EYS: variants seen among roughly 807,000 people sequenced by gnomAD.
The protein encoded by EYS is EGF-like photoreceptor maintenance factor.
Under a neutral mutation model 282.1 loss-of-function variants are expected in EYS, and 250 were observed. The observed-to-expected ratio is 0.89, with a 90% CI of 0.80 to 0.98. EYS has a LOEUF of 0.98. EYS is among the 50% of genes least tolerant of loss of function. The pLI, the probability that EYS is intolerant of heterozygous loss-of-function variation, is 0.00. For missense variants in EYS, 4,016 were observed against 3,709.0 expected (o/e 1.08, Z -2.15); for synonymous variants, 1,355 against 1,282.9 (o/e 1.06, Z -1.20).
At chr6:64,165,193 A>G (rs891917186) in intron 31 of EYS, among the ~76,000 whole-genome samples, 6 of 152,136 alleles carry the variant, frequency 3.9e-5, no homozygotes, top group African/African-American at 1.4e-4. Context: ...AAACTAAAAA[A>G]GCAGAGTGTC....
chr6:63,820,957 C>T (rs1457616360), intron 36 of EYS, among the ~76,000 whole-genome samples: 1 of 152,018 alleles, frequency 6.6e-6, no homozygotes, highest in African/African-American at 2.4e-5. Context: ...CTAGATCAGA[C>T]TCAAAAGCTT....
chr6:64,051,685 G>A (rs1770814436), intron 33 of EYS, among the ~76,000 whole-genome samples: 2 of 152,080 alleles, frequency 1.3e-5, no homozygotes, highest in Non-Finnish European at 1.5e-5. Flanking sequence ...GAGCATGATT[G>A]TTCTTATAAA....
At chr6:63,864,386 A>T (rs956888789) in intron 35 of EYS, 28 bp from the exon 36 acceptor site, 2 of 1,526,054 alleles carry the variant, frequency 1.3e-6, no homozygotes, top group Non-Finnish European at 1.8e-6. Flanking sequence ...TTAAAAATTC[A>T]TTAGGAAACA....
chr6:65,628,547 G>T (rs1766801130), intron 2 of EYS, among the ~76,000 whole-genome samples: 1 of 152,142 alleles, frequency 6.6e-6, no homozygotes, highest in Non-Finnish European at 1.5e-5. Context: ...GGTCCACGCT[G>T]CTTTTATGAG....
At chr6:64,107,469 A>G (rs977676162) in intron 31 of EYS, among the ~76,000 whole-genome samples, 5 of 151,402 alleles carry the variant, frequency 3.3e-5, no homozygotes, top group African/African-American at 4.9e-5. Context: ...TGGAAGAAAG[A>G]TGTAGCTGGG....
intron 35 of EYS, among the ~76,000 whole-genome samples, chr6:63,872,496 T>TA (rs1554183560): frequency 4.6e-5 from 7 of 150,602 alleles, no homozygotes; most frequent in Non-Finnish European, 1.0e-4. Context: ...TTTTTTTTTT[T>TA]AGACCTAGTC....
At chr6:65,266,954 A>G (rs1767771461) in intron 12 of EYS, among the ~76,000 whole-genome samples, 1 of 139,664 alleles carries the variant, frequency 7.2e-6, no homozygotes, top group Non-Finnish European at 1.6e-5. Flanking sequence ...ATATATATAT[A>G]TGCACACACA....
intron 2 of EYS, among the ~76,000 whole-genome samples, chr6:65,537,056 A>G (rs1473481876): frequency 6.6e-6 from 1 of 152,226 alleles, no homozygotes; most frequent in African/African-American, 2.4e-5. Context: ...AGGGACAGGG[A>G]TGAAGCTAGA....
At chr6:64,208,817 A>G (rs1010609094) in intron 31 of EYS, among the ~76,000 whole-genome samples, 5 of 152,174 alleles carry the variant, frequency 3.3e-5, no homozygotes, top group Non-Finnish European at 7.4e-5. Context: ...AACTGCAAAT[A>G]TTAAATCAAA....
chr6:65,523,778 G>A (rs542352082), intron 2 of EYS, among the ~76,000 whole-genome samples: 2 of 152,164 alleles, frequency 1.3e-5, no homozygotes, highest in Non-Finnish European at 2.9e-5. Context: ...TACGTTATGA[G>A]AGAACAAGTT....
intron 22 of EYS, among the ~76,000 whole-genome samples, chr6:64,627,008 C>G (rs1212942914): frequency 6.6e-6 from 1 of 152,112 alleles, no homozygotes; most frequent in East Asian, 1.9e-4. Flanking sequence ...TGTACTTCCT[C>G]TTAATTTTTA....
chr6:65,116,589 C>T (rs1212295976), intron 12 of EYS, among the ~76,000 whole-genome samples: 1 of 151,966 alleles, frequency 6.6e-6, no homozygotes, highest in African/African-American at 2.4e-5. Context: ...CTTATGGCTC[C>T]TCCTGACCAA....
At chr6:63,736,949 C>T (rs1768930041) in intron 41 of EYS, among the ~76,000 whole-genome samples, 1 of 152,152 alleles carries the variant, frequency 6.6e-6, no homozygotes, top group African/African-American at 2.4e-5. Context: ...TATCCTGAGA[C>T]TTTGCTGAAG....
intron 12 of EYS, among the ~76,000 whole-genome samples, chr6:65,058,440 T>G (rs1007056692): frequency 2.2e-5 from 3 of 138,684 alleles, no homozygotes; most frequent in African/African-American, 4.9e-5. Context: ...CATGGGCCAC[T>G]GAGCCTGGCC....
intron 11 of EYS, among the ~76,000 whole-genome samples, chr6:65,312,846 G>C (rs1486181706): frequency 1.3e-5 from 2 of 152,060 alleles, no homozygotes; most frequent in African/African-American, 4.8e-5. Flanking sequence ...CCTGTAACCA[G>C]TTGTAATATA....
At chr6:64,862,422 G>A (rs376845906) in intron 19 of EYS, among the ~76,000 whole-genome samples, 4 of 109,068 alleles carry the variant, frequency 3.7e-5, no homozygotes, top group African/African-American at 1.3e-4. Flanking sequence ...TCAGCTTTTT[G>A]TGTAAGAGCA....
At chr6:65,283,680 G>A (rs1043938372) in intron 12 of EYS, among the ~76,000 whole-genome samples, 2 of 151,144 alleles carry the variant, frequency 1.3e-5, no homozygotes, top group African/African-American at 2.4e-5. Flanking sequence ...TCATTTTTAC[G>A]GTGGTCTCAT....
chr6:64,390,201 G>T (rs1284736547), intron 28 of EYS, among the ~76,000 whole-genome samples: 5 of 152,130 alleles, frequency 3.3e-5, no homozygotes, highest in Non-Finnish European at 5.9e-5. Flanking sequence ...TGGGGGAGGG[G>T]TGCCCGCCAT....
At chr6:65,692,924 A>T (rs1769296253) in intron 1 of EYS, among the ~76,000 whole-genome samples, 1 of 150,006 alleles carries the variant, frequency 6.7e-6, no homozygotes, top group Non-Finnish European at 1.5e-5. Context: ...GCACCATTAC[A>T]TTGTAAGTTT....
Sources: gnomAD v4.1 joint callset for allele counts (sites outside exome capture counted in the v4.1 genomes callset) on GRCh38, gnomAD v4.1.1 for gene constraint, MANE v1.5 for transcripts, NCBI Gene and HGNC (gene_info 2026-07-23, HGNC 2026-07-21) for gene names.